TRIO: variants seen among roughly 807,000 people sequenced by gnomAD.
TRIO encodes trio Rho guanine nucleotide exchange factor, also known as triple functional domain protein.
In TRIO, 58 loss-of-function variants were observed where a neutral mutation model predicts 351.9. That is an observed-to-expected ratio of 0.16 (90% CI 0.13 to 0.21). The LOEUF (loss-of-function observed/expected upper bound fraction) is 0.21. TRIO is among the 10% of genes least tolerant of loss of function. The pLI, the probability that TRIO is intolerant of heterozygous loss-of-function variation, is 1.00. For synonymous variants in TRIO, 1,758 were observed against 1,595.7 expected (o/e 1.10, Z -2.42); for missense variants, 3,201 against 4,027.8 (o/e 0.79, Z 5.56).
chr5:14,309,734 T>A (rs1463595040), intron 8 of TRIO, among the ~76,000 whole-genome samples: 1 of 152,200 alleles, frequency 6.6e-6, no homozygotes, highest in Non-Finnish European at 1.5e-5. Context: ...CCCTGCTAAG[T>A]GCTAGACATT....
At chr5:14,345,593 C>G (rs1168194427) in intron 11 of TRIO, among the ~76,000 whole-genome samples, 1 of 152,218 alleles carries the variant, frequency 6.6e-6, no homozygotes, top group Non-Finnish European at 1.5e-5. Context: ...CATAGTCTCA[C>G]TCTGTCACCC....
intron 18 of TRIO, among the ~76,000 whole-genome samples, chr5:14,373,496 A>G (rs1745300869): frequency 6.6e-6 from 1 of 152,256 alleles, no homozygotes. Flanking sequence ...GATGTTTCCA[A>G]TTCACATATA....
chr5:14,167,512 G>T (rs1178109076), intron 1 of TRIO, among the ~76,000 whole-genome samples: 2 of 152,292 alleles, frequency 1.3e-5, no homozygotes, highest in Middle Eastern at 3.4e-3. Flanking sequence ...TCCAAAAACA[G>T]TCTTGTTAAA....
intron 2 of TRIO, among the ~76,000 whole-genome samples, chr5:14,273,779 T>A (rs566116927): frequency 6.6e-6 from 1 of 152,392 alleles, no homozygotes; most frequent in Non-Finnish European, 1.5e-5. Flanking sequence ...ACTATTAGTG[T>A]GGTTCCTATG....
chr5:14,199,786 AT>A (rs1291622835), intron 1 of TRIO, among the ~76,000 whole-genome samples: 4 of 152,076 alleles, frequency 2.6e-5, no homozygotes, highest in Admixed American at 6.5e-5. Context: ...GCATCTTGAG[AT>A]TTGTCTTGTC....
chr5:14,144,955 T>C, intron 1 of TRIO, among the ~76,000 whole-genome samples: 1 of 151,768 alleles, frequency 6.6e-6, no homozygotes, highest in East Asian at 1.9e-4. Context: ...GCGCAGTCCT[T>C]AGCGGGCCGG....
intron 49 of TRIO, among the ~76,000 whole-genome samples, chr5:14,494,766 G>A (rs1756752359): frequency 6.6e-6 from 1 of 152,182 alleles, no homozygotes; most frequent in Non-Finnish European, 1.5e-5. Flanking sequence ...GGGCATGGTG[G>A]CATGTGTCTG....
rs932449958 is a variant in TRIO at position 14,507,987 on chromosome 5, G to A, written c.8859G>A (p.Leu2953=). 2.5e-6 allele frequency: 4 copies of A among 1,614,172 alleles called. No homozygotes were observed. The highest frequency in any genetic ancestry group is 1.3e-5 in the African/African-American group (1 of 75,040). ...LNTTYYIHQL[L]GNPEFAAPEI... ...CGACCTACTACATCCACCAGTTACT[G>A]GGGAACCCTGAATTCGCAGCCCCTG... The change falls in exon 57 of 57, where the codon CTG becomes CTA. Residue 2953 remains leucine (L), a synonymous_variant. Transcript: ENST00000344204.
At chr5:14,478,805 A>T (rs1337129126) in intron 41 of TRIO, among the ~76,000 whole-genome samples, 2 of 150,858 alleles carry the variant, frequency 1.3e-5, no homozygotes, top group African/African-American at 4.9e-5. Flanking sequence ...AAAAAAAAAA[A>T]TTAAAAATTA....
chr5:14,292,351 T>G (rs1736987190), intron 5 of TRIO, among the ~76,000 whole-genome samples: 1 of 152,258 alleles, frequency 6.6e-6, no homozygotes, highest in Non-Finnish European at 1.5e-5. Flanking sequence ...CTGGTTCAAG[T>G]CATGGTAGCA....
intron 1 of TRIO, among the ~76,000 whole-genome samples, chr5:14,146,169 C>T (rs1380493474): frequency 3.5e-5 from 5 of 141,170 alleles, no homozygotes; most frequent in African/African-American, 1.3e-4. Context: ...AGGGGTCATT[C>T]TGTTGGATGG....
At chr5:14,364,561 C>G (rs1241336741) in intron 14 of TRIO, 89 bp from the exon 15 acceptor site, 2 of 1,492,448 alleles carry the variant, frequency 1.3e-6, no homozygotes, top group Non-Finnish European at 1.8e-6. Context: ...GCAGATCATT[C>G]ACAAAAGCAG....
At chr5:14,192,413 A>C (rs1386508832) in intron 1 of TRIO, among the ~76,000 whole-genome samples, 5 of 151,912 alleles carry the variant, frequency 3.3e-5, no homozygotes, top group Admixed American at 1.3e-4. Context: ...GTGTATGTCC[A>C]CCTGTAGTGG....
chr5:14,469,329 G>A (rs1754507125), intron 37 of TRIO, among the ~76,000 whole-genome samples: 1 of 152,032 alleles, frequency 6.6e-6, no homozygotes, highest in Non-Finnish European at 1.5e-5. Context: ...TATAAGAGAG[G>A]AAAAAACTGA....
Position 14,485,090 on chromosome 5 carries a change from G to T in TRIO, c.6679G>T (p.Glu2227Ter). The T allele has an allele frequency of 6.5e-7, 1 of 1,542,662 alleles. No individual in the cohort carries two copies. Among genetic ancestry groups the T allele is most frequent in the Non-Finnish European group, 8.8e-7 (1 of 1,138,056 alleles). The change falls in exon 47 of 57, where the codon GAA (glutamate) becomes TAA (stop). Residue 2227 changes from glutamate (E) to a stop codon, truncating the protein, a stop_gained. Transcript: ENST00000344204. LOFTEE classifies it high-confidence loss of function. ...SIKVSCLCLE[E>*]NVENDPCKFA... ...TAAGGTGAGTTGCCTTTGCCTGGAG[G>T]AAAATGTGGAAAATGATCCCTGTAA...
chr5:14,492,464 C>T (rs182078551), intron 48 of TRIO, 103 bp from the exon 49 acceptor site: 487 of 1,514,204 alleles, frequency 3.2e-4, no homozygotes, highest in Non-Finnish European at 3.8e-4. Flanking sequence ...GAGCCCTGCA[C>T]GGGGTCATGG....
At chr5:14,430,052 C>A (rs142505734) in intron 34 of TRIO, among the ~76,000 whole-genome samples, 1 of 152,024 alleles carries the variant, frequency 6.6e-6, no homozygotes, top group Non-Finnish European at 1.5e-5. Flanking sequence ...GCGGGAGATA[C>A]CCTCACATGT....
intron 10 of TRIO, among the ~76,000 whole-genome samples, chr5:14,335,763 G>A (rs757104512): frequency 2.6e-5 from 4 of 151,996 alleles, no homozygotes; most frequent in Non-Finnish European, 4.4e-5. Context: ...CCAGGAGTTC[G>A]AGACCAGCCT....
At chr5:14,158,705 C>T (rs917247137) in intron 1 of TRIO, among the ~76,000 whole-genome samples, 2 of 152,118 alleles carry the variant, frequency 1.3e-5, no homozygotes, top group African/African-American at 4.8e-5. Context: ...GTGGCGTGCA[C>T]CTGTAGTCCC....
Sources: allele counts gnomAD v4.1 joint callset (sites outside exome capture counted in the v4.1 genomes callset), GRCh38; gene constraint gnomAD v4.1.1; transcripts MANE v1.5; gene names NCBI Gene and HGNC (gene_info 2026-07-23, HGNC 2026-07-21).